BIRC6: variants seen among roughly 807,000 people sequenced by gnomAD.
BIRC6 encodes the protein baculoviral IAP repeat containing 6.
A neutral mutation model predicts 503.3 loss-of-function variants in BIRC6; 98 were observed. That is an observed-to-expected ratio of 0.19 (90% CI 0.17 to 0.23). The LOEUF (loss-of-function observed/expected upper bound fraction) is 0.23. Ranked by LOEUF, BIRC6 falls within the 10% of genes least tolerant of loss-of-function variation. The probability of loss-of-function intolerance (pLI) is 1.00; values close to 1 mark genes in which losing one functional copy is unlikely to be tolerated. For synonymous variants in BIRC6, 2,240 were observed against 2,078.7 expected (o/e 1.08, Z -2.11); for missense variants, 5,360 against 5,806.0 (o/e 0.92, Z 2.50).
At chr2:32,431,394 C>T (rs909027480) in intron 12 of BIRC6, among the ~76,000 whole-genome samples, 1 of 151,724 alleles carries the variant, frequency 6.6e-6, no homozygotes, top group Non-Finnish European at 1.5e-5. Flanking sequence ...TGGGGTTTCA[C>T]TCTGTTGGCC....
intron 63 of BIRC6, among the ~76,000 whole-genome samples, chr2:32,546,803 G>C (rs1318685945): frequency 1.3e-5 from 2 of 152,030 alleles, no homozygotes; most frequent in Non-Finnish European, 2.9e-5. Context: ...TTTTGACTGG[G>C]CATGGTAGCT....
rs552378728 is a variant in BIRC6 at position 32,372,793 on chromosome 2, A to C, written c.326-4795A>C. ...TGTGGTGAGCAGTGATTTCGCCACT[A>C]TATTCCAGCCTGAGTGACATAGTGA... On this transcript the variant is annotated intron_variant, in intron 1 of 73. Transcript: ENST00000421745. Among the ~76,000 whole-genome samples the C allele has an allele frequency of 6.6e-5, 10 of 152,278 alleles. No homozygotes were observed. In the South Asian group the frequency reaches 2.1e-3, roughly 32 times the overall value.
chr2:32,612,585 A>T (rs971567288), intron 73 of BIRC6, among the ~76,000 whole-genome samples: 3 of 152,214 alleles, frequency 2.0e-5, no homozygotes, highest in Non-Finnish European at 4.4e-5. Flanking sequence ...TGTGATTTTT[A>T]AAAAGATCCC....
At chr2:32,447,487 C>T (rs1160672573) in intron 21 of BIRC6, among the ~76,000 whole-genome samples, 1 of 142,052 alleles carries the variant, frequency 7.0e-6, no homozygotes. Context: ...GGCTGATCCC[C>T]CCACCTCCCT....
chr2:32,410,999 CT>C (rs1395178137), intron 9 of BIRC6, among the ~76,000 whole-genome samples: 2 of 151,946 alleles, frequency 1.3e-5, no homozygotes, highest in African/African-American at 4.8e-5. Flanking sequence ...CGCGCCCAGC[CT>C]ATTTGGGCAA....
Position 32,518,953 on chromosome 2 carries a change from C to A in BIRC6, c.11623+7C>A. 3 of 1,611,700 alleles carry A rather than the reference C, an allele frequency of 1.9e-6. No homozygotes were observed. The highest frequency in any genetic ancestry group is 2.2e-5 in the South Asian group (2 of 90,908). On this transcript the variant is annotated splice_region_variant and intron_variant, in intron 57 of 73. Transcript: ENST00000421745. ...GTTCTTGACAGAGTGTCAGGCAAGT[C>A]AGATTTAAGTATTAGTTTTTGTTTA...
chr2:32,477,351 T>A lies in BIRC6; in HGVS notation c.6853-17T>A. ...TAAGTAAACATTGATTTAAACACTATACATTTTTGTGTGCAGCACTTTAAG... is the reference window on the plus strand; with the variant it reads ...TAAGTAAACATTGATTTAAACACTAAACATTTTTGTGTGCAGCACTTTAAG... On this transcript the variant is annotated splice_polypyrimidine_tract_variant and intron_variant, in intron 34 of 73. Transcript: ENST00000421745. 3.1e-6 allele frequency: 5 copies of A among 1,610,664 alleles called. No individual in the cohort carries two copies. The highest frequency in any genetic ancestry group is 4.2e-6 in the Non-Finnish European group (5 of 1,178,176).
intron 6 of BIRC6, among the ~76,000 whole-genome samples, chr2:32,397,634 A>T (rs1364115773): frequency 7.1e-6 from 1 of 141,324 alleles, no homozygotes; most frequent in Non-Finnish European, 1.5e-5. Flanking sequence ...ATATATGTAT[A>T]TATATACACA....
rs2055283939 is a variant in BIRC6, at chr2:32,518,328, A to G, written c.11424A>G (p.Ile3808Met). 1 of 1,611,020 alleles carries G rather than the reference A, an allele frequency of 6.2e-7. No homozygotes were observed. The highest frequency in any genetic ancestry group is 1.3e-5 in the African/African-American group (1 of 74,752). The change falls in exon 56 of 74, where the codon ATA (isoleucine) becomes ATG (methionine). Residue 3808 changes from isoleucine (I) to methionine (M), a missense_variant. Transcript: ENST00000421745. ...LPTSGNISGF[I>M]RRLFLQLMLE... ...CATCTGGGAACATTTCAGGGTTTATACGAAGATTATTTTTACAGTTGATGC... is the reference window on the plus strand; with the variant it reads ...CATCTGGGAACATTTCAGGGTTTATGCGAAGATTATTTTTACAGTTGATGC...
intron 51 of BIRC6, 28 bp downstream of exon 51, chr2:32,508,287 T>TTTTTA: frequency 7.3e-7 from 1 of 1,362,258 alleles, no homozygotes; most frequent in Non-Finnish European, 9.6e-7. Flanking sequence ...TTTTTTTTTT[T>TTTTTA]TTTTTTTTTT....
At chr2:32,522,396 C>T (rs1038552036) in intron 57 of BIRC6, 7 of 151,906 alleles carry the variant, frequency 4.6e-5, no homozygotes, top group African/African-American at 1.7e-4. Flanking sequence ...TGCTTTTAGA[C>T]TTGCTTTTAA....
chr2:32,516,481 A>C (rs1316134994), intron 55 of BIRC6, among the ~76,000 whole-genome samples: 1 of 148,290 alleles, frequency 6.7e-6, no homozygotes, highest in African/African-American at 2.5e-5. Flanking sequence ...TTACTACTGC[A>C]CTCCAGCCTG....
chr2:32,504,135 A>G (rs773201579), intron 49 of BIRC6, among the ~76,000 whole-genome samples: 8 of 149,454 alleles, frequency 5.4e-5, no homozygotes, highest in Non-Finnish European at 1.0e-4. Context: ...CCTGGCCCCA[A>G]GTGATCCCCC....
Position 32,575,328 on chromosome 2 carries a change from A to C in BIRC6, c.13317A>C (p.Lys4439Asn), listed in dbSNP as rs1271726434. 6.2e-7 allele frequency: 1 copy of C among 1,613,974 alleles called. No homozygotes were observed. Among genetic ancestry groups the C allele is most frequent in the Admixed American group, 1.7e-5 (1 of 60,014 alleles). ...CTTCTGTTGGTACATTGTTAGCCAA[A>C]ATGAAGACCTGTGTTGATACCTATA... ...CQTSVGTLLA[K>N]MKTCVDTYTN... Residue 4439 changes from lysine (K) to asparagine (N), a missense_variant, in exon 66 of 74, where the codon AAA (lysine) becomes AAC (asparagine). Around this residue, in one of 16 missense-constraint regions of BIRC6, gnomAD observed 477 missense variants for 574.4 expected, o/e 0.83. Coordinates refer to ENST00000421745, the MANE Select transcript of BIRC6 (RefSeq NM_016252.4).
At chr2:32,575,401 C>T (rs762834112) in intron 66 of BIRC6, 35 bp downstream of exon 66, 2 of 1,585,652 alleles carry the variant, frequency 1.3e-6, no homozygotes, top group South Asian at 1.1e-5. Context: ...CTTGAGTTTG[C>T]CTCTAACAAT....
chr2:32,475,451 G>A (rs1400634905), intron 33 of BIRC6, among the ~76,000 whole-genome samples: 1 of 152,100 alleles, frequency 6.6e-6, no homozygotes, highest in Non-Finnish European at 1.5e-5. Flanking sequence ...GGATAGGAGG[G>A]AAGTGTGGAT....
Position 32,531,251 on chromosome 2 carries a change from T to C in BIRC6, c.12095-104T>C, listed in dbSNP as rs563662208. 1.2e-3 allele frequency: 1,204 copies of C among 966,638 alleles called. 3 individuals carry two copies. The highest frequency in any genetic ancestry group is 4.5e-3 in the Middle Eastern group (17 of 3,820). 59.9% of individuals were successfully genotyped at this position (966,638 alleles called of 1,614,324 possible). On this transcript the variant is annotated intron_variant, in intron 60 of 73. Transcript: ENST00000421745. Reference sequence around the variant, plus strand: ...TAAATAAATGATGTTTTGTGCTCTTTTTTGAGTAGCAAGAAAGCAGTAATA... The same window carrying C: ...TAAATAAATGATGTTTTGTGCTCTTCTTTGAGTAGCAAGAAAGCAGTAATA...
intron 10 of BIRC6, among the ~76,000 whole-genome samples, chr2:32,424,282 A>G (rs911387375): frequency 6.6e-6 from 1 of 152,010 alleles, no homozygotes; most frequent in African/African-American, 2.4e-5. Context: ...ATATATATAC[A>G]TATTGGGTTT....
chr2:32,586,743 T>C (rs2061061456), intron 66 of BIRC6, among the ~76,000 whole-genome samples: 1 of 152,176 alleles, frequency 6.6e-6, no homozygotes, highest in Non-Finnish European at 1.5e-5. Flanking sequence ...TCTTAATTAC[T>C]GAATTTGAAG....
Sources: gnomAD v4.1 joint callset for allele counts (sites outside exome capture counted in the v4.1 genomes callset) on GRCh38, gnomAD v4.1.1 for gene constraint, gnomAD v4.1.1 regional missense constraint, MANE v1.5 for transcripts, NCBI Gene and HGNC (gene_info 2026-07-23, HGNC 2026-07-21) for gene names.